The following UNC13A variants were observed in gnomAD, a reference collection of about 807,000 sequenced individuals.
The protein encoded by UNC13A is unc-13 homolog A, also known as protein unc-13 homolog A.
UNC13A carries 61 observed loss-of-function variants against 219.7 expected under a neutral mutation model. That is an observed-to-expected ratio of 0.28 (90% CI 0.23 to 0.34). UNC13A has a LOEUF of 0.34. Ranked by LOEUF, UNC13A falls within the 10% of genes least tolerant of loss-of-function variation. The probability of loss-of-function intolerance (pLI) is 1.00; values close to 1 mark genes in which losing one functional copy is unlikely to be tolerated. For synonymous variants in UNC13A, 920 were observed against 884.6 expected (o/e 1.04, Z -0.71); for missense variants, 1,476 against 2,270.3 (o/e 0.65, Z 7.11).
At chr19:17,667,879 T>G (rs1205722063) in intron 6 of UNC13A, among the ~76,000 whole-genome samples, 1 of 148,698 alleles carries the variant, frequency 6.7e-6, no homozygotes, top group African/African-American at 2.5e-5. Context: ...CCTTCGCCTC[T>G]CAAAGTGCTG....
At chr19:17,666,771 T>C in intron 6 of UNC13A, 67 bp from the exon 7 acceptor site, 1 of 1,307,590 alleles carries the variant, frequency 7.6e-7, no homozygotes, top group South Asian at 1.9e-5. Flanking sequence ...ACCAGGATAG[T>C]CCTCTGTTCT....
chr19:17,676,096 G>A (rs2079893504), intron 1 of UNC13A, 55 bp from the exon 2 acceptor site: 2 of 1,527,730 alleles, frequency 1.3e-6, no homozygotes, highest in Admixed American at 3.9e-5. Flanking sequence ...TGGGGAGGAG[G>A]AGGCAGAGAT....
rs769430666 is a variant in UNC13A, at chr19:17,652,673, C to G, written c.1397G>C (p.Arg466Pro). The G allele has an allele frequency of 2.5e-6, 4 of 1,613,698 alleles. No individual in the cohort carries two copies. The highest frequency in any genetic ancestry group is 3.4e-6 in the Non-Finnish European group (4 of 1,179,706). Residue 466 changes from arginine (R) to proline (P), a missense_variant, in exon 12 of 44, where the codon CGG (arginine) becomes CCG (proline). This residue lies in a region of UNC13A where 351 missense variants were observed against 342.6 expected (regional missense o/e 1.02). Transcript: ENST00000519716. ...NKVRMQLQEA[R>P]GEGEMSKSLW... is the part of the protein sequence containing the mutation. ...GGATTTAGACATCTCTCCTTCTCCCCGGGCCTGCAGGACAGACAGACAGAT... is the reference window on the plus strand; with the variant it reads ...GGATTTAGACATCTCTCCTTCTCCCGGGGCCTGCAGGACAGACAGACAGAT...
At chr19:17,626,453 T>G in intron 34 of UNC13A, 180 bp downstream of exon 34, 1 of 603,464 alleles carries the variant, frequency 1.7e-6, no homozygotes, top group Non-Finnish European at 2.8e-6. Flanking sequence ...TCACCAATCC[T>G]TCCAATTATT....
chr19:17,660,211 T>C (rs1238905230), intron 8 of UNC13A, among the ~76,000 whole-genome samples: 1 of 152,080 alleles, frequency 6.6e-6, no homozygotes, highest in East Asian at 1.9e-4. Flanking sequence ...GCATTCTTTC[T>C]ATCCAATTGT....
Position 17,640,614 on chromosome 19 carries a change from G to C in UNC13A, c.2684C>G (p.Ala895Gly). The C allele has an allele frequency of 6.3e-7, 1 of 1,589,432 alleles. No individual in the cohort carries two copies. Among genetic ancestry groups the C allele is most frequent in the Non-Finnish European group, 8.6e-7 (1 of 1,168,698 alleles). Residue 895 changes from alanine (A) to glycine (G), a missense_variant, in exon 22 of 44, where the codon GCC (alanine) becomes GGC (glycine). Physicochemically the swap from Ala to Gly is moderately conservative, Grantham distance 60. Coordinates refer to ENST00000519716, the MANE Select transcript of UNC13A (RefSeq NM_001080421.3). ...GTTGGCGAGCAGGGTGCTCATGACGGCAGGCACCCCTGGGCACATATACTT... is the reference window on the plus strand; with the variant it reads ...GTTGGCGAGCAGGGTGCTCATGACGCCAGGCACCCCTGGGCACATATACTT... ...SSKYMCPGVP[A>G]VMSTLLANIN...
At chr19:17,620,272 T>C (rs2076713837) in intron 38 of UNC13A, among the ~76,000 whole-genome samples, 1 of 152,090 alleles carries the variant, frequency 6.6e-6, no homozygotes, top group Admixed American at 6.5e-5. Context: ...AGGGGGCCCA[T>C]TTACTGTGGA....
chr19:17,613,434 T>A (rs1439165320), intron 41 of UNC13A, among the ~76,000 whole-genome samples: 9 of 151,952 alleles, frequency 5.9e-5, no homozygotes, highest in African/African-American at 2.2e-4. Flanking sequence ...AAAACCAAAC[T>A]CTTCCATGGC....
At chr19:17,631,154 TCTCCCTCCCTCC>T (rs202161270) in intron 28 of UNC13A, among the ~76,000 whole-genome samples, 1 of 43,920 alleles carries the variant, frequency 2.3e-5, no homozygotes, top group African/African-American at 1.2e-4. Flanking sequence ...GCTCTTGTTT[TCTCCCTCCCTCC>T]CTCCCTCCCT....
At chr19:17,609,494 A>T (rs145169119) in intron 43 of UNC13A, among the ~76,000 whole-genome samples, 8 of 152,036 alleles carry the variant, frequency 5.3e-5, no homozygotes, top group African/African-American at 1.9e-4. Flanking sequence ...ACAAGGCTCA[A>T]TGTAGACTCC....
chr19:17,664,317 G>C (rs1054000338), intron 7 of UNC13A, among the ~76,000 whole-genome samples: 16 of 152,124 alleles, frequency 1.1e-4, no homozygotes, highest in African/African-American at 3.9e-4. Context: ...TCATTTTATG[G>C]GTGAAACTAT....
chr19:17,685,128 G>A (rs1042099533), intron 1 of UNC13A, among the ~76,000 whole-genome samples: 2 of 152,148 alleles, frequency 1.3e-5, no homozygotes, highest in Non-Finnish European at 2.9e-5. Flanking sequence ...GAATATATAT[G>A]TGCTTCATGG....
chr19:17,646,201 T>C, intron 17 of UNC13A, 90 bp from the exon 18 acceptor site: 6 of 1,548,036 alleles, frequency 3.9e-6, no homozygotes, highest in South Asian at 1.2e-5. Context: ...GGCTGATAAT[T>C]GGGACACCTG....
chr19:17,644,928 G>A (rs1276073260), intron 19 of UNC13A, among the ~76,000 whole-genome samples: 2 of 151,834 alleles, frequency 1.3e-5, no homozygotes, highest in Non-Finnish European at 2.9e-5. Context: ...CTGGACTCAA[G>A]TGATTGGCCT....
Position 17,647,403 on chromosome 19 carries a change from G to A in UNC13A, c.1906C>T (p.Arg636Cys), listed in dbSNP as rs1379002032. 3.1e-6 allele frequency: 5 copies of A among 1,613,572 alleles called. No homozygotes were observed. Among genetic ancestry groups the A allele is most frequent in the African/African-American group, 1.3e-5 (1 of 74,866 alleles). ...AGCTCGAAGATCTCGGGCTTGTTGC[G>A]CTCCCGGATCTTCATGCGGTCCTTG... is the stretch of plus-strand genomic sequence containing the variant. ...VLKDRMKIRERNKPEIFELIQ... is the reference protein window; with the variant it reads ...VLKDRMKIRECNKPEIFELIQ... Residue 636 changes from arginine (R) to cysteine (C), a missense_variant, in exon 17 of 44, where the codon CGC (arginine) becomes TGC (cysteine). By Grantham distance (180) the Arg-to-Cys change is radical. Coordinates refer to ENST00000519716, the MANE Select transcript of UNC13A (RefSeq NM_001080421.3).
chr19:17,683,660 A>AAAAC (rs151027580), intron 1 of UNC13A, among the ~76,000 whole-genome samples: 9,356 of 152,020 alleles, frequency 0.062, 343 homozygotes, highest in Middle Eastern at 0.085. Context: ...CGTGTCTCAA[A>AAAAC]AAACAAACAA....
chr19:17,674,130 G>C lies in UNC13A; in HGVS notation c.152+527C>G, dbSNP rs2079849955. ...TCACTGAGGAGGTGACACAAGCTGA[G>C]ACCTGAAGGAGAAGAGCCAGCTGGG... On this transcript the variant is annotated intron_variant, in intron 3 of 43. Coordinates refer to ENST00000519716, the MANE Select transcript of UNC13A (RefSeq NM_001080421.3). The surrounding 1 kb of genome is among the most constrained non-coding windows in gnomAD (Gnocchi z 5.0). Among the ~76,000 whole-genome samples, 1 of 152,234 alleles carries C rather than the reference G, an allele frequency of 6.6e-6. No individual in the cohort carries two copies. Among genetic ancestry groups the C allele is most frequent in the African/African-American group, 2.4e-5 (1 of 41,468 alleles).
intron 3 of UNC13A, among the ~76,000 whole-genome samples, chr19:17,673,195 T>G (rs575064784): frequency 6.6e-6 from 1 of 151,060 alleles, no homozygotes; most frequent in African/African-American, 2.4e-5. Flanking sequence ...CCATCTCCAC[T>G]AAAAATACAA....
intron 40 of UNC13A, 105 bp downstream of exon 40, chr19:17,618,316 A>C (rs2076690510): frequency 1.6e-6 from 2 of 1,246,680 alleles, no homozygotes; most frequent in Non-Finnish European, 2.3e-6. Flanking sequence ...AGTGTCCATA[A>C]ATTGAACAAA....
Sources: gnomAD v4.1 joint callset for allele counts (sites outside exome capture counted in the v4.1 genomes callset) on GRCh38, gnomAD v4.1.1 for gene constraint, gnomAD v4.1.1 regional missense constraint, Gnocchi (gnomAD v3.1) non-coding constraint, MANE v1.5 for transcripts, NCBI Gene and HGNC (gene_info 2026-07-23, HGNC 2026-07-21) for gene names.